The following BNC2 variants were observed in gnomAD, a reference collection of about 807,000 sequenced individuals.
BNC2 encodes the protein zinc finger protein basonuclin-2.
A neutral mutation model predicts 76.3 loss-of-function variants in BNC2; 20 were observed. The observed-to-expected ratio is 0.26, with a 90% CI of 0.18 to 0.38. BNC2 has a LOEUF of 0.38. Ranked by LOEUF, BNC2 falls within the 10% of genes least tolerant of loss-of-function variation. The pLI, the probability that BNC2 is intolerant of heterozygous loss-of-function variation, is 1.00. For synonymous variants in BNC2, 582 were observed against 514.8 expected (o/e 1.13, Z -1.77); for missense variants, 1,382 against 1,399.8 (o/e 0.99, Z 0.20).
At chr9:16,772,371 C>G (rs959021956) in intron 1 of BNC2, among the ~76,000 whole-genome samples, 1 of 152,020 alleles carries the variant, frequency 6.6e-6, no homozygotes, top group Non-Finnish European at 1.5e-5. Flanking sequence ...CCCACTTGAG[C>G]ACATTAAATT....
intron 1 of BNC2, among the ~76,000 whole-genome samples, chr9:16,782,678 T>C (rs113190281): frequency 2.0e-4 from 30 of 152,280 alleles, no homozygotes; most frequent in African/African-American, 7.2e-4. Flanking sequence ...GATGGAACTC[T>C]GGGCTTAGGG....
chr9:16,778,668 T>A (rs1201028457), intron 1 of BNC2, among the ~76,000 whole-genome samples: 2 of 152,166 alleles, frequency 1.3e-5, no homozygotes, highest in African/African-American at 4.8e-5. Context: ...TATACCTAGT[T>A]TACCAGACTT....
intron 5 of BNC2, among the ~76,000 whole-genome samples, chr9:16,475,243 T>C (rs1303700963): frequency 2.0e-5 from 3 of 152,216 alleles, no homozygotes; most frequent in Non-Finnish European, 4.4e-5. Context: ...ACTGTACATA[T>C]AACATAGCCT....
At chr9:16,503,236 C>T (rs1208726007) in intron 5 of BNC2, among the ~76,000 whole-genome samples, 2 of 152,174 alleles carry the variant, frequency 1.3e-5, no homozygotes, top group Non-Finnish European at 2.9e-5. Context: ...CAACAAACAT[C>T]ATTTCTAAGG....
At chr9:16,858,520 G>A (rs1023400718) in intron 1 of BNC2, among the ~76,000 whole-genome samples, 2 of 152,144 alleles carry the variant, frequency 1.3e-5, no homozygotes, top group African/African-American at 4.8e-5. Flanking sequence ...GGCAACAAAA[G>A]CAAGAATAGA....
chr9:16,658,759 A>T (rs1429700689), intron 3 of BNC2, among the ~76,000 whole-genome samples: 1 of 152,198 alleles, frequency 6.6e-6, no homozygotes, highest in East Asian at 1.9e-4. Context: ...CCCAGAACAG[A>T]CAATCCAGCT....
intron 3 of BNC2, among the ~76,000 whole-genome samples, chr9:16,698,045 T>C (rs1337093222): frequency 6.6e-6 from 1 of 152,208 alleles, no homozygotes. Context: ...GCTATCCTGC[T>C]GCCTACTTTT....
chr9:16,506,877 G>A (rs918105042), intron 5 of BNC2, among the ~76,000 whole-genome samples: 19 of 151,488 alleles, frequency 1.3e-4, no homozygotes, highest in Admixed American at 8.6e-4. Context: ...TCAGCCTCCC[G>A]AGTAGCTAGG....
intron 5 of BNC2, among the ~76,000 whole-genome samples, chr9:16,541,206 A>T (rs1032644548): frequency 6.6e-6 from 1 of 152,246 alleles, no homozygotes. Flanking sequence ...AATCCAACGG[A>T]AAGTCACCAG....
chr9:16,753,488 T>G (rs1217658669), intron 1 of BNC2, among the ~76,000 whole-genome samples: 2 of 152,224 alleles, frequency 1.3e-5, no homozygotes, highest in Non-Finnish European at 1.5e-5. Flanking sequence ...ATTCAGTGAC[T>G]AAACAGGGAA....
At chr9:16,468,170 T>C (rs115531643) in intron 5 of BNC2, among the ~76,000 whole-genome samples, 2,188 of 150,688 alleles carry the variant, frequency 0.015, 55 homozygotes, top group African/African-American at 0.05. Flanking sequence ...CCCTCCAAAG[T>C]GCTAGGATTA....
chr9:16,599,809 C>T (rs1324224072), intron 3 of BNC2, among the ~76,000 whole-genome samples: 2 of 152,124 alleles, frequency 1.3e-5, no homozygotes, highest in Non-Finnish European at 2.9e-5. Flanking sequence ...TTAAGATATG[C>T]TTAATACTTT....
chr9:16,592,122 C>G (rs73419488), intron 3 of BNC2, among the ~76,000 whole-genome samples: 17 of 151,826 alleles, frequency 1.1e-4, no homozygotes, highest in African/African-American at 3.9e-4. Context: ...TCCCCTCCCC[C>G]CAAAAAAAAC....
At chr9:16,450,261 T>G (rs1043618602) in intron 5 of BNC2, among the ~76,000 whole-genome samples, 9 of 152,070 alleles carry the variant, frequency 5.9e-5, no homozygotes, top group African/African-American at 2.2e-4. Context: ...ACAGGGAAAA[T>G]TAGGACAAAA....
chr9:16,742,606 G>A (rs1353595869), intron 1 of BNC2, among the ~76,000 whole-genome samples: 1 of 152,184 alleles, frequency 6.6e-6, no homozygotes, highest in Non-Finnish European at 1.5e-5. Flanking sequence ...CACTGTCTAA[G>A]TGACCTGTCA....
chr9:16,810,242 T>C (rs969853265), intron 1 of BNC2, among the ~76,000 whole-genome samples: 1 of 152,160 alleles, frequency 6.6e-6, no homozygotes, highest in Non-Finnish European at 1.5e-5. Flanking sequence ...ACAGGCTTAG[T>C]GTAGTCTTCC....
At chr9:16,780,364 G>C (rs370355005) in intron 1 of BNC2, among the ~76,000 whole-genome samples, 1 of 151,050 alleles carries the variant, frequency 6.6e-6, no homozygotes, top group Non-Finnish European at 1.5e-5. Flanking sequence ...ATGAGGTCAG[G>C]AGCTCAAGAC....
At chr9:16,419,793 C>G in intron 6 of BNC2, 144 bp from the exon 7 acceptor site, 2 of 660,638 alleles carry the variant, frequency 3.0e-6, no homozygotes, top group Non-Finnish European at 5.4e-6. Flanking sequence ...TAAAAGCAAG[C>G]ATTCCCCTAT....
At position 16,793,844 on chromosome 9, in the gene BNC2, G is replaced by GT. The variant is rs1208876972; in HGVS notation, c.4-55360dup. On this transcript the variant is annotated intron_variant, in intron 1 of 6. Transcript: ENST00000380672. ...CCGCCACCATGCCCAGCTAGTTTTTGTTTTTTGTGGTTTTTGTTTTTTTGT... is the reference window on the plus strand; with the variant it reads ...CCGCCACCATGCCCAGCTAGTTTTTGTTTTTTTGTGGTTTTTGTTTTTTTGT... Among the ~76,000 whole-genome samples the GT allele has an allele frequency of 6.5e-5, 7 of 107,544 alleles. No individual in the cohort carries two copies. In the East Asian group the frequency reaches 1.3e-3, roughly 20 times the overall value. 70.6% of individuals were successfully genotyped at this position (107,544 alleles called of 152,430 possible). A position where few individuals can be genotyped will look rare whatever the true frequency, so the allele number is the denominator to read the frequency against.
Sources: gnomAD v4.1 joint callset for allele counts (sites outside exome capture counted in the v4.1 genomes callset) on GRCh38, gnomAD v4.1.1 for gene constraint, MANE v1.5 for transcripts, NCBI Gene and HGNC (gene_info 2026-07-23, HGNC 2026-07-21) for gene names.